POU6F2: variants seen among roughly 807,000 people sequenced by gnomAD.
The protein encoded by POU6F2 is POU class 6 homeobox 2.
Under a neutral mutation model 71.3 loss-of-function variants are expected in POU6F2, and 31 were observed. That is an observed-to-expected ratio of 0.43 (90% CI 0.33 to 0.59). POU6F2 has a LOEUF of 0.59. Among genes scored for constraint, POU6F2 ranks in the 20% least tolerant of loss-of-function variants. POU6F2 has a pLI of 0.04. For missense variants in POU6F2, 783 were observed against 856.8 expected (o/e 0.91, Z 1.07); for synonymous variants, 347 against 355.7 (o/e 0.98, Z 0.27).
intron 1 of POU6F2, among the ~76,000 whole-genome samples, chr7:38,992,933 A>G (rs1788641362): frequency 6.6e-6 from 1 of 152,196 alleles, no homozygotes; most frequent in Non-Finnish European, 1.5e-5. Context: ...GTTAATTGGC[A>G]GCTTCATGCG....
chr7:39,041,000 G>C (rs373821258), intron 1 of POU6F2, among the ~76,000 whole-genome samples: 1 of 151,918 alleles, frequency 6.6e-6, no homozygotes, highest in Admixed American at 6.6e-5. Context: ...TAAAGGGTTG[G>C]TGCTTGAATC....
chr7:39,045,071 A>G (rs1203149445), intron 1 of POU6F2, among the ~76,000 whole-genome samples: 2 of 151,974 alleles, frequency 1.3e-5, no homozygotes. Flanking sequence ...TTCTCTGGGT[A>G]CACAGGTATC....
At chr7:39,420,294 A>G (rs1583589025) in intron 6 of POU6F2, among the ~76,000 whole-genome samples, 1 of 152,346 alleles carries the variant, frequency 6.6e-6, no homozygotes, top group South Asian at 2.1e-4. Context: ...TGAAAGAAAG[A>G]ATGTTTATGT....
Position 39,207,289 on chromosome 7 carries a change from C to T in POU6F2, c.370-103C>T. ...AGATAGGGCATGTTTTTTGGTACTT[C>T]TTCGGGAACTTTCTGACCCTACTTA... On this transcript the variant is annotated intron_variant, in intron 3 of 9. Coordinates refer to ENST00000518318, the MANE Select transcript of POU6F2 (RefSeq NM_001370959.1). The T allele has an allele frequency of 2.8e-6, 3 of 1,088,746 alleles. No homozygotes were observed. In the East Asian group the frequency reaches 7.3e-5, roughly 27 times the overall value. 67.4% of individuals were successfully genotyped at this position (1,088,746 alleles called of 1,614,324 possible). A position where few individuals can be genotyped will look rare whatever the true frequency, so the allele number is the denominator to read the frequency against.
intron 5 of POU6F2, among the ~76,000 whole-genome samples, chr7:39,365,460 C>A (rs1381768955): frequency 2.0e-5 from 3 of 152,130 alleles, no homozygotes; most frequent in Non-Finnish European, 4.4e-5. Flanking sequence ...TGCAAAAACC[C>A]TTCTAGACTT....
chr7:39,120,215 G>A (rs940523730), intron 2 of POU6F2, among the ~76,000 whole-genome samples: 7 of 152,126 alleles, frequency 4.6e-5, no homozygotes, highest in South Asian at 2.1e-4. Flanking sequence ...TGCTGCTCAG[G>A]CTGGTCTCAA....
At chr7:39,139,718 G>T (rs576237388) in intron 2 of POU6F2, among the ~76,000 whole-genome samples, 7 of 152,214 alleles carry the variant, frequency 4.6e-5, no homozygotes, top group Admixed American at 2.0e-4. Context: ...AATCAGGGCA[G>T]ATTTCTGGGT....
At chr7:39,267,433 C>G (rs1784267693) in intron 4 of POU6F2, among the ~76,000 whole-genome samples, 1 of 152,104 alleles carries the variant, frequency 6.6e-6, no homozygotes, top group Non-Finnish European at 1.5e-5. Context: ...TGTGCCAGGC[C>G]CTAGGGAGGC....
chr7:39,250,187 CACTT>C (rs1392331928), intron 4 of POU6F2, among the ~76,000 whole-genome samples: 1 of 152,202 alleles, frequency 6.6e-6, no homozygotes, highest in Non-Finnish European at 1.5e-5. Context: ...CACACCCACT[CACTT>C]GCACGCATCT....
At chr7:39,154,329 G>T (rs1792820509) in intron 2 of POU6F2, among the ~76,000 whole-genome samples, 1 of 151,988 alleles carries the variant, frequency 6.6e-6, no homozygotes, top group Non-Finnish European at 1.5e-5. Flanking sequence ...TAGGACCCCG[G>T]TATATAAGCT....
intron 6 of POU6F2, among the ~76,000 whole-genome samples, chr7:39,411,438 T>C (rs1328021224): frequency 2.6e-5 from 4 of 152,232 alleles, no homozygotes; most frequent in African/African-American, 4.8e-5. Context: ...AAGCTCAGAA[T>C]GTTTCCTGAT....
intron 2 of POU6F2, among the ~76,000 whole-genome samples, chr7:39,143,077 A>G (rs1792538136): frequency 6.6e-6 from 1 of 152,216 alleles, no homozygotes; most frequent in Non-Finnish European, 1.5e-5. Flanking sequence ...TTTTTTCTGA[A>G]GAAAATCTCA....
intron 2 of POU6F2, among the ~76,000 whole-genome samples, chr7:39,124,691 C>A (rs917490319): frequency 7.9e-5 from 12 of 152,144 alleles, no homozygotes; most frequent in Admixed American, 6.5e-4. Flanking sequence ...CTGAGTCTTG[C>A]CACAAAACAA....
Position 39,464,073 on chromosome 7 carries a change from A to C in POU6F2, c.1659-109A>C. 1.4e-6 allele frequency: 2 copies of C among 1,406,270 alleles called. No individual in the cohort carries two copies. The highest frequency in any genetic ancestry group is 2.0e-5 in the Admixed American group (1 of 49,040). 87.1% of individuals were successfully genotyped at this position (1,406,270 alleles called of 1,614,324 possible). A position where few individuals can be genotyped will look rare whatever the true frequency, so the allele number is the denominator to read the frequency against. ...AGGGCTGGCTACCTTGCAGCTGGCT[A>C]TTAACCTGCAGTAAATTCGCCCTGC... On this transcript the variant is annotated intron_variant, in intron 9 of 9. Coordinates refer to ENST00000518318, the MANE Select transcript of POU6F2 (RefSeq NM_001370959.1). The surrounding 1 kb of genome is among the most constrained non-coding windows in gnomAD (Gnocchi z 4.1).
At chr7:39,167,663 G>T (rs1037856314) in intron 2 of POU6F2, among the ~76,000 whole-genome samples, 11 of 151,544 alleles carry the variant, frequency 7.3e-5, no homozygotes, top group Admixed American at 5.9e-4. Context: ...TTCTTTATTA[G>T]CTACTTGTAT....
intron 2 of POU6F2, among the ~76,000 whole-genome samples, chr7:39,125,977 G>T (rs1221054345): frequency 6.6e-6 from 1 of 152,184 alleles, no homozygotes; most frequent in East Asian, 1.9e-4. Context: ...TCTCCTGAAT[G>T]GTGCCTGTCT....
chr7:39,204,045 A>G (rs925788385), intron 2 of POU6F2, among the ~76,000 whole-genome samples, 190 bp from the exon 3 acceptor site: 8 of 152,136 alleles, frequency 5.3e-5, no homozygotes, highest in Admixed American at 4.6e-4. Flanking sequence ...CTGCTGTTCT[A>G]TTCTTCTACC....
chr7:39,244,953 A>T lies in POU6F2; in HGVS notation c.598+37333A>T, dbSNP rs561513128. Among the ~76,000 whole-genome samples the T allele has an allele frequency of 2.6e-5, 4 of 152,334 alleles. No homozygotes were observed. The South Asian group carries it at 8.3e-4, about 32-fold the overall frequency. On this transcript the variant is annotated intron_variant, in intron 4 of 9. Coordinates refer to ENST00000518318, the MANE Select transcript of POU6F2 (RefSeq NM_001370959.1). ...CCACGAATACTCCAAATGGCCTTTA[A>T]TATTTCCAGAGGGATATGAGAAATC...
intron 2 of POU6F2, among the ~76,000 whole-genome samples, chr7:39,203,108 A>T (rs1396553382): frequency 6.6e-6 from 1 of 152,230 alleles, no homozygotes; most frequent in African/African-American, 2.4e-5. Context: ...TAATGTGCTG[A>T]AGTATTTTCC....
Sources: allele counts gnomAD v4.1 joint callset (sites outside exome capture counted in the v4.1 genomes callset), GRCh38; gene constraint gnomAD v4.1.1; non-coding constraint Gnocchi (gnomAD v3.1); transcripts MANE v1.5; gene names NCBI Gene and HGNC (gene_info 2026-07-23, HGNC 2026-07-21).